The following TDRD5 variants were observed in gnomAD, a reference collection of about 807,000 sequenced individuals.
TDRD5 encodes the protein tudor domain containing 5.
In TDRD5, 41 loss-of-function variants were observed where a neutral mutation model predicts 120.6. The observed-to-expected ratio is 0.34, with a 90% confidence interval of 0.26 to 0.44. The LOEUF (loss-of-function observed/expected upper bound fraction) is 0.44, where lower values mean the gene tolerates loss of function less well. TDRD5 is among the 20% of genes least tolerant of loss of function. TDRD5 has a pLI of 1.00. For synonymous variants in TDRD5, 430 were observed against 433.7 expected (o/e 0.99, Z 0.11); for missense variants, 1,006 against 1,221.2 (o/e 0.82, Z 2.63).
chr1:179,674,603 T>A (rs1680024014), intron 17 of TDRD5, among the ~76,000 whole-genome samples: 1 of 152,194 alleles, frequency 6.6e-6, no homozygotes, highest in African/African-American at 2.4e-5. Context: ...TGGAATACTG[T>A]CAATAGGATT....
At chr1:179,636,925 G>C (rs1677795446) in intron 9 of TDRD5, among the ~76,000 whole-genome samples, 1 of 152,220 alleles carries the variant, frequency 6.6e-6, no homozygotes, top group African/African-American at 2.4e-5. Context: ...AAACTGATAT[G>C]AAAGAAATGG....
chr1:179,653,306 TTAAAA>T (rs1207837922), intron 13 of TDRD5, among the ~76,000 whole-genome samples: 5 of 152,310 alleles, frequency 3.3e-5, no homozygotes, highest in South Asian at 2.1e-4. Context: ...TATCTGACTT[TTAAAA>T]TAAAATTATA....
At chr1:179,628,324 CTTTTTTTTTTTTT>C (rs71569258) in intron 6 of TDRD5, among the ~76,000 whole-genome samples, 2 of 54,632 alleles carry the variant, frequency 3.7e-5, no homozygotes, top group Admixed American at 2.5e-4. Context: ...CTTTTCTTTT[CTTTTTTTTTTTTT>C]TTTTTTTTTT....
intron 11 of TDRD5, among the ~76,000 whole-genome samples, chr1:179,644,529 T>G (rs1358374099): frequency 6.6e-6 from 1 of 152,150 alleles, no homozygotes; most frequent in Non-Finnish European, 1.5e-5. Flanking sequence ...CTTAATATTT[T>G]GTTTCAACTT....
rs377114699 is a variant in TDRD5 at position 179,634,441 on chromosome 1, G to A, written c.1127-16G>A. ...TTGAGATGGAGTTGTTTCATCAGTC[G>A]GAAATTTGTGTTTAGTTCAGTCAGA... On this transcript the variant is annotated splice_polypyrimidine_tract_variant and intron_variant, in intron 7 of 17. Coordinates refer to ENST00000444136, the MANE Select transcript of TDRD5 (RefSeq NM_001199085.3). The A allele has an allele frequency of 2.2e-5, 35 of 1,582,990 alleles. No homozygotes were observed. Among genetic ancestry groups the A allele is most frequent in the African/African-American group, 1.1e-4 (8 of 72,864 alleles).
intron 14 of TDRD5, among the ~76,000 whole-genome samples, chr1:179,659,572 TGTGTGTGTGTGTGTGTGTGC>T (rs1679180853): frequency 1.4e-5 from 2 of 141,694 alleles, no homozygotes; most frequent in Admixed American, 7.5e-5. Context: ...TGTGTGTGTG[TGTGTGTGTGTGTGTGTGTGC>T]GCGCGCTTGC....
intron 17 of TDRD5, among the ~76,000 whole-genome samples, chr1:179,682,993 A>C (rs1458149717): frequency 2.0e-5 from 3 of 150,502 alleles, no homozygotes; most frequent in African/African-American, 7.3e-5. Flanking sequence ...ATTCAAGGAG[A>C]CCTCTCAGCA....
At chr1:179,673,530 C>A (rs1348074819) in intron 17 of TDRD5, among the ~76,000 whole-genome samples, 1 of 152,132 alleles carries the variant, frequency 6.6e-6, no homozygotes, top group Admixed American at 6.5e-5. Context: ...TTTAGGGAGA[C>A]ATGAGACATC....
At chr1:179,677,341 C>A (rs1197848890) in intron 17 of TDRD5, among the ~76,000 whole-genome samples, 2 of 152,006 alleles carry the variant, frequency 1.3e-5, no homozygotes, top group African/African-American at 4.8e-5. Context: ...CTTCTGAAAT[C>A]TTTTTCTGGC....
At chr1:179,683,675 A>G (rs1214129373) in intron 17 of TDRD5, among the ~76,000 whole-genome samples, 2 of 152,340 alleles carry the variant, frequency 1.3e-5, no homozygotes, top group East Asian at 3.9e-4. Context: ...AAGATCTAGA[A>G]CAGTGCTATT....
intron 13 of TDRD5, 147 bp downstream of exon 13, chr1:179,652,344 C>A: frequency 1.2e-6 from 1 of 815,916 alleles, no homozygotes; most frequent in Non-Finnish European, 1.9e-6. Context: ...TATTTGCTGG[C>A]TTAAGTGTTT....
At chr1:179,619,902 A>G (rs1404871759) in intron 5 of TDRD5, among the ~76,000 whole-genome samples, 2 of 152,174 alleles carry the variant, frequency 1.3e-5, no homozygotes, top group Admixed American at 1.3e-4. Context: ...TACAAGAGTG[A>G]ATATGATTTT....
chr1:179,638,547 C>T (rs1398019606), intron 9 of TDRD5, among the ~76,000 whole-genome samples: 1 of 127,426 alleles, frequency 7.8e-6, no homozygotes, highest in African/African-American at 2.8e-5. Flanking sequence ...TTTCTTCTTC[C>T]CAGAATAGTC....
At chr1:179,656,348 G>C (rs979828407) in intron 14 of TDRD5, among the ~76,000 whole-genome samples, 8 of 152,100 alleles carry the variant, frequency 5.3e-5, no homozygotes, top group Non-Finnish European at 7.4e-5. Context: ...GTCAAATAAT[G>C]TGATTTTCAA....
intron 7 of TDRD5, among the ~76,000 whole-genome samples, chr1:179,633,111 C>T (rs2102006833): frequency 6.6e-6 from 1 of 152,210 alleles, no homozygotes; most frequent in Non-Finnish European, 1.5e-5. Flanking sequence ...TATGCAAATC[C>T]TCATTTCTTA....
At chr1:179,644,289 A>G (rs1198116246) in intron 11 of TDRD5, among the ~76,000 whole-genome samples, 2 of 152,198 alleles carry the variant, frequency 1.3e-5, no homozygotes, top group African/African-American at 2.4e-5. Flanking sequence ...GAATTCCTTT[A>G]AAAGACATAG....
chr1:179,629,898 AC>A (rs1677340648), intron 6 of TDRD5, among the ~76,000 whole-genome samples: 1 of 151,868 alleles, frequency 6.6e-6, no homozygotes, highest in Non-Finnish European at 1.5e-5. Context: ...ATTTGGTATG[AC>A]TTTTCTTCTT....
intron 11 of TDRD5, among the ~76,000 whole-genome samples, chr1:179,648,590 A>G (rs1678534710): frequency 1.3e-5 from 2 of 149,670 alleles, no homozygotes; most frequent in African/African-American, 2.4e-5. Context: ...AACTTAAAGT[A>G]TAATAATAAA....
At chr1:179,659,016 A>G (rs1016177898) in intron 14 of TDRD5, among the ~76,000 whole-genome samples, 1 of 152,166 alleles carries the variant, frequency 6.6e-6, no homozygotes, top group Non-Finnish European at 1.5e-5. Context: ...TCACCCATGA[A>G]TTATTTGGAA....
Sources: allele counts gnomAD v4.1 joint callset (sites outside exome capture counted in the v4.1 genomes callset), GRCh38; gene constraint gnomAD v4.1.1; transcripts MANE v1.5; gene names NCBI Gene and HGNC (gene_info 2026-07-23, HGNC 2026-07-21).